Variants in PLEKHH1 observed in about 807,000 individuals in gnomAD.
PLEKHH1 encodes pleckstrin homology domain-containing family H member 1.
In PLEKHH1, 104 loss-of-function variants were observed where a neutral mutation model predicts 160.0. That is an observed-to-expected ratio of 0.65 (90% CI 0.55 to 0.76). The LOEUF is 0.76. PLEKHH1 is among the 30% of genes least tolerant of loss of function. PLEKHH1 has a pLI of 0.00. For synonymous variants in PLEKHH1, 619 were observed against 678.4 expected, an observed-to-expected ratio of 0.91 and a Z score of 1.36; for missense variants, 1,427 against 1,724.1, an observed-to-expected ratio of 0.83 and a Z score of 3.05.
chr14:67,555,961 A>G lies in PLEKHH1; in HGVS notation c.189+74A>G, dbSNP rs1211489847. On this transcript the variant is annotated intron_variant, in intron 3 of 28. Transcript: ENST00000329153. ...GCCCTTCCAGGCCCTTCCCACGGAC[A>G]CAGGTGGACACATACATCACCAGCA... The G allele has an allele frequency of 1.9e-6, 3 of 1,560,546 alleles. No homozygotes were observed. The Admixed American group carries it at 5.6e-5, about 29-fold the overall frequency.
chr14:67,557,215 T>C (rs1229900037), intron 3 of PLEKHH1, 54 bp from the exon 4 acceptor site: 3 of 1,541,338 alleles, frequency 1.9e-6, no homozygotes, highest in Non-Finnish European at 2.7e-6. Context: ...TACTGGCCAC[T>C]GCACACCCCG....
At chr14:67,577,236 T>C in intron 17 of PLEKHH1, 66 bp from the exon 18 acceptor site, 1 of 969,636 alleles carries the variant, frequency 1.0e-6, no homozygotes, top group East Asian at 2.6e-5. Context: ...AAGATGGCGG[T>C]GAGTGGGAGA....
intron 11 of PLEKHH1, among the ~76,000 whole-genome samples, chr14:67,572,540 C>G (rs1238316238): frequency 2.0e-5 from 3 of 152,170 alleles, no homozygotes; most frequent in African/African-American, 7.2e-5. Context: ...GCCCACCAGG[C>G]CCCATGAAGA....
intron 2 of PLEKHH1, among the ~76,000 whole-genome samples, chr14:67,542,215 T>C (rs2033996259): frequency 6.6e-6 from 1 of 152,262 alleles, no homozygotes; most frequent in Non-Finnish European, 1.5e-5. Context: ...ACCAAAGACA[T>C]GCTGCCAATC....
intron 2 of PLEKHH1, among the ~76,000 whole-genome samples, chr14:67,552,316 G>A (rs1217863687): frequency 2.0e-5 from 3 of 152,232 alleles, no homozygotes; most frequent in African/African-American, 7.2e-5. Context: ...AGCTCCAGGT[G>A]TGGCCTTTAA....
chr14:67,534,226 TA>T (rs2033602765), intron 1 of PLEKHH1, among the ~76,000 whole-genome samples: 1 of 152,100 alleles, frequency 6.6e-6, no homozygotes, highest in Non-Finnish European at 1.5e-5. Flanking sequence ...ACATCGGTAT[TA>T]GTGTTTCTGC....
chr14:67,544,269 C>T (rs118148639), intron 2 of PLEKHH1, among the ~76,000 whole-genome samples: 3,334 of 152,252 alleles, frequency 0.022, 55 homozygotes, highest in Non-Finnish European at 0.033. Context: ...AGAGTCTCCC[C>T]TGAGAACCTG....
intron 5 of PLEKHH1, among the ~76,000 whole-genome samples, chr14:67,561,715 A>G (rs959437739): frequency 6.7e-6 from 1 of 150,320 alleles, no homozygotes; most frequent in Non-Finnish European, 1.5e-5. Context: ...AAAAAAATAA[A>G]CGAAATTAAC....
At chr14:67,586,978 G>T (rs1316955727) in intron 28 of PLEKHH1, 96 bp from the exon 29 acceptor site, 4 of 1,535,002 alleles carry the variant, frequency 2.6e-6, no homozygotes, top group Non-Finnish European at 3.5e-6. Flanking sequence ...TAAATAAACT[G>T]AGGCCCAGGA....
chr14:67,586,298 T>C, intron 28 of PLEKHH1: 1 of 1,145,646 alleles, frequency 8.7e-7, no homozygotes, highest in South Asian at 1.3e-5. Flanking sequence ...TAAAGGGACA[T>C]ATTTGGAGGG....
rs529921310 is a variant in PLEKHH1, at chr14:67,585,546, T to C, written c.3700-22T>C. ...AATCTCTAACTATGGATATATCTGA[T>C]GGGTTGTTTCTGTTTCCCCAGCCTG... On this transcript the variant is annotated intron_variant, in intron 26 of 28. Transcript: ENST00000329153. The C allele has an allele frequency of 2.7e-6, 4 of 1,503,902 alleles. No individual in the cohort carries two copies. In the African/African-American group the frequency reaches 5.5e-5, roughly 21 times the overall value. The allele number at this position is 1,503,902 out of a possible 1,614,324, so 93.2% of individuals were successfully genotyped here.
At chr14:67,536,071 G>C (rs993007880) in intron 1 of PLEKHH1, among the ~76,000 whole-genome samples, 2 of 152,166 alleles carry the variant, frequency 1.3e-5, no homozygotes, top group East Asian at 3.8e-4. Context: ...TAGGTACTAA[G>C]CTGTTTCTCT....
intron 5 of PLEKHH1, among the ~76,000 whole-genome samples, chr14:67,560,317 G>A (rs1299126896): frequency 6.6e-6 from 1 of 152,114 alleles, no homozygotes; most frequent in Non-Finnish European, 1.5e-5. Flanking sequence ...GGGAACCACC[G>A]TGCCCTGCTA....
chr14:67,585,624 T>C lies in PLEKHH1; in HGVS notation c.3756T>C (p.Asp1252=). ...NALVWIAVNE[D]GVSILDHNTM... ...TGGTGTGGATTGCTGTGAATGAGGATGGCGTCAGCATCCTGGACCACAACA... is the reference window on the plus strand; with the variant it reads ...TGGTGTGGATTGCTGTGAATGAGGACGGCGTCAGCATCCTGGACCACAACA... Residue 1252 remains aspartate (D), a synonymous_variant, in exon 27 of 29, where the codon GAT becomes GAC. Coordinates refer to ENST00000329153, the MANE Select transcript of PLEKHH1 (RefSeq NM_020715.3). The C allele has an allele frequency of 6.3e-7, 1 of 1,580,694 alleles. No individual in the cohort carries two copies.
intron 28 of PLEKHH1, 121 bp from the exon 29 acceptor site, chr14:67,586,953 G>A: frequency 6.5e-7 from 1 of 1,542,180 alleles, no homozygotes; most frequent in Non-Finnish European, 8.7e-7. Flanking sequence ...CTCCCAGGTG[G>A]GTATTTTAAG....
At position 67,561,926 on chromosome 14, in the gene PLEKHH1, C is replaced by G. The variant is rs747682014; in HGVS notation, c.424-28C>G. 3.2e-6 allele frequency: 5 copies of G among 1,567,248 alleles called. No individual in the cohort carries two copies. The South Asian group carries it at 4.4e-5, about 14-fold the overall frequency. On this transcript the variant is annotated intron_variant, in intron 5 of 28. Transcript: ENST00000329153. ...CATCTAAACCTGTAGGCTGGGTGTC[C>G]TAAATCTTCATTTTTCTTTTTGCTC...
At chr14:67,548,259 A>C (rs2034257476) in intron 2 of PLEKHH1, among the ~76,000 whole-genome samples, 1 of 152,250 alleles carries the variant, frequency 6.6e-6, no homozygotes. Flanking sequence ...CCTATCAGAA[A>C]AGTGGGAGCA....
Position 67,569,167 on chromosome 14 carries a change from G to A in PLEKHH1, c.1293G>A (p.Ser431=), listed in dbSNP as rs535377144. The part of the protein sequence containing the change: ...WESRIYAVAT[S]GMRLSDMSPR... ...GCCGGATCTATGCTGTGGCCACATC[G>A]GGCATGCGGCTCTCAGATATGTCTC... Residue 431 remains serine (S), a synonymous_variant, in exon 8 of 29, where the codon TCG becomes TCA. Coordinates refer to ENST00000329153, the MANE Select transcript of PLEKHH1 (RefSeq NM_020715.3). 113 of 1,612,868 alleles carry A rather than the reference G, an allele frequency of 7.0e-5. 2 individuals carry two copies. The South Asian group carries it at 9.0e-4, about 13-fold the overall frequency.
At chr14:67,577,765 GT>G (rs2035691647) in intron 18 of PLEKHH1, among the ~76,000 whole-genome samples, 1 of 151,740 alleles carries the variant, frequency 6.6e-6, no homozygotes, top group Non-Finnish European at 1.5e-5. Context: ...TTCTGTTTTT[GT>G]TTTTGTTTTT....
Sources: gnomAD v4.1 joint callset for allele counts (sites outside exome capture counted in the v4.1 genomes callset) on GRCh38, gnomAD v4.1.1 for gene constraint, MANE v1.5 for transcripts, NCBI Gene and HGNC (gene_info 2026-07-23, HGNC 2026-07-21) for gene names.